The following SUGCT variants were observed in gnomAD, a reference collection of about 807,000 sequenced individuals.
The protein encoded by SUGCT is succinyl-CoA:glutarate-CoA transferase, also known as succinyl-CoA:glutarate CoA-transferase.
A neutral mutation model predicts 55.0 loss-of-function variants in SUGCT; 41 were observed. The observed-to-expected ratio is 0.74, with a 90% CI of 0.58 to 0.97. The LOEUF (loss-of-function observed/expected upper bound fraction) is 0.97. Among genes scored for constraint, SUGCT ranks in the 50% least tolerant of loss-of-function variants. The pLI is 0.00. For missense variants in SUGCT, 568 were observed against 547.8 expected, an observed-to-expected ratio of 1.04 and a Z score of -0.37; for synonymous variants, 187 against 200.4, an observed-to-expected ratio of 0.93 and a Z score of 0.56.
chr7:40,271,534 AT>A (rs976533802), intron 7 of SUGCT, among the ~76,000 whole-genome samples: 5 of 150,346 alleles, frequency 3.3e-5, no homozygotes, highest in East Asian at 1.9e-4. Flanking sequence ...GAGAAGTTTC[AT>A]TTTTTTTTAG....
At chr7:40,362,965 C>T (rs112253433) in intron 9 of SUGCT, among the ~76,000 whole-genome samples, 3 of 152,206 alleles carry the variant, frequency 2.0e-5, no homozygotes, top group African/African-American at 7.2e-5. Context: ...TACCAAAACC[C>T]CAAATAACAA....
At position 40,664,751 on chromosome 7, in the gene SUGCT, C is replaced by T. The variant is rs567262683; in HGVS notation, c.1090-84683C>T. 6.8e-4 allele frequency among the ~76,000 whole-genome samples: 104 copies of T among 152,134 alleles called. No individual in the cohort carries two copies. In the Middle Eastern group the frequency reaches 0.01, roughly 15 times the overall value. ...ATCCCAGCACTTTGGGAGGCCGAGG[C>T]GGGCAGATCACGAGGTCAGGAGATC... On this transcript the variant is annotated intron_variant, in intron 12 of 13. Transcript: ENST00000335693.
intron 13 of SUGCT, among the ~76,000 whole-genome samples, chr7:40,822,623 G>T (rs1458981292): frequency 6.6e-6 from 1 of 152,226 alleles, no homozygotes; most frequent in African/African-American, 2.4e-5. Flanking sequence ...ATAGGAAAGA[G>T]AAATTGCATA....
chr7:41,007,286 A>G, the SUGCT span, among the ~76,000 whole-genome samples: 1 of 152,204 alleles, frequency 6.6e-6, no homozygotes, highest in Admixed American at 6.5e-5. Context: ...ATTGGTCTGC[A>G]TGATCCTGTT....
chr7:40,485,876 C>T (rs1044150478), intron 11 of SUGCT, among the ~76,000 whole-genome samples: 3 of 152,034 alleles, frequency 2.0e-5, no homozygotes, highest in African/African-American at 7.2e-5. Context: ...CTTTGTATCC[C>T]TGGGATAATC....
intron 13 of SUGCT, among the ~76,000 whole-genome samples, chr7:40,858,886 G>A (rs1441393030): frequency 6.6e-6 from 1 of 152,198 alleles, no homozygotes; most frequent in African/African-American, 2.4e-5. Flanking sequence ...TTACACAAAG[G>A]TGCAGCTTGA....
chr7:40,821,770 T>C (rs1792031701), intron 13 of SUGCT, among the ~76,000 whole-genome samples: 1 of 152,202 alleles, frequency 6.6e-6, no homozygotes, highest in African/African-American at 2.4e-5. Context: ...TCTCCTTCAG[T>C]TCTGCTCTGA....
intron 8 of SUGCT, among the ~76,000 whole-genome samples, chr7:40,307,940 C>T (rs1044093586): frequency 3.3e-5 from 5 of 152,096 alleles, no homozygotes; most frequent in Non-Finnish European, 5.9e-5. Context: ...CTTTCTGAGG[C>T]GAGGTCAAAT....
At chr7:40,563,078 TCACGCA>T (rs2151667360) in intron 12 of SUGCT, among the ~76,000 whole-genome samples, 2 of 152,234 alleles carry the variant, frequency 1.3e-5, no homozygotes, top group South Asian at 4.1e-4. Context: ...CGGTGGATCA[TCACGCA>T]CATGCACATG....
chr7:40,787,742 T>A (rs929890891), intron 13 of SUGCT, among the ~76,000 whole-genome samples: 1 of 143,670 alleles, frequency 7.0e-6, no homozygotes, highest in African/African-American at 2.6e-5. Flanking sequence ...CAGGCTAGCA[T>A]GATAGAAAAT....
intron 13 of SUGCT, among the ~76,000 whole-genome samples, chr7:40,835,894 T>C (rs1022880298): frequency 2.0e-5 from 3 of 148,260 alleles, no homozygotes; most frequent in African/African-American, 5.0e-5. Flanking sequence ...TTTTTTCTTT[T>C]TTTTTTTTTT....
chr7:41,001,966 G>A, the SUGCT span, among the ~76,000 whole-genome samples: 1 of 152,184 alleles, frequency 6.6e-6, no homozygotes, highest in African/African-American at 2.4e-5. Flanking sequence ...AAAGACAAGA[G>A]TGCATGAGAG....
chr7:40,282,419 G>C (rs1382033567), intron 8 of SUGCT, among the ~76,000 whole-genome samples: 1 of 152,108 alleles, frequency 6.6e-6, no homozygotes, highest in African/African-American at 2.4e-5. Flanking sequence ...AGTGAGCTGA[G>C]GTTGCGCCAG....
At chr7:40,413,503 A>G (rs958376458) in intron 9 of SUGCT, among the ~76,000 whole-genome samples, 5 of 152,220 alleles carry the variant, frequency 3.3e-5, no homozygotes, top group African/African-American at 1.2e-4. Flanking sequence ...AAATAGAGGA[A>G]AACATTTATA....
chr7:40,283,879 C>T (rs935771000), intron 8 of SUGCT, among the ~76,000 whole-genome samples: 17 of 152,076 alleles, frequency 1.1e-4, no homozygotes, highest in African/African-American at 2.9e-4. Flanking sequence ...TTTTCATGTT[C>T]GCTGCAGCAT....
At chr7:40,617,763 A>G (rs887586272) in intron 12 of SUGCT, among the ~76,000 whole-genome samples, 5 of 152,148 alleles carry the variant, frequency 3.3e-5, no homozygotes, top group African/African-American at 1.2e-4. Context: ...AGCTGTGACT[A>G]TAATTTTTTC....
chr7:40,205,416 CA>C (rs1248319227), intron 6 of SUGCT, among the ~76,000 whole-genome samples: 1 of 149,962 alleles, frequency 6.7e-6, no homozygotes, highest in Non-Finnish European at 1.5e-5. Flanking sequence ...CCAAGGTGGG[CA>C]GATCATCTGA....
intron 13 of SUGCT, among the ~76,000 whole-genome samples, chr7:40,757,590 G>A (rs893466035): frequency 1.3e-5 from 2 of 152,190 alleles, no homozygotes; most frequent in African/African-American, 4.8e-5. Flanking sequence ...TGATATTTAT[G>A]CTCAAGAATT....
At chr7:40,466,157 C>G (rs1315719286) in intron 11 of SUGCT, among the ~76,000 whole-genome samples, 1 of 152,054 alleles carries the variant, frequency 6.6e-6, no homozygotes, top group Non-Finnish European at 1.5e-5. Context: ...TCCTCCTGCT[C>G]CAACCTCCCG....
Sources: gnomAD v4.1 joint callset for allele counts (sites outside exome capture counted in the v4.1 genomes callset) on GRCh38, gnomAD v4.1.1 for gene constraint, MANE v1.5 for transcripts, NCBI Gene and HGNC (gene_info 2026-07-23, HGNC 2026-07-21) for gene names.